The following SAMD5 variants were observed in gnomAD, a reference collection of about 807,000 sequenced individuals.
The protein encoded by SAMD5 is sterile alpha motif domain containing 5.
Under a neutral mutation model 11.3 loss-of-function variants are expected in SAMD5, and 13 were observed. The ratio of observed to expected loss-of-function variants is 1.15; its 90% CI spans 0.75 to 1.83. SAMD5 has a LOEUF of 1.83. SAMD5 is among the 40% of genes most tolerant of loss of function. The pLI, the probability that SAMD5 is intolerant of heterozygous loss-of-function variation, is 0.00. For missense variants in SAMD5, 255 were observed against 239.1 expected, an observed-to-expected ratio of 1.07 and a Z score of -0.44; for synonymous variants, 129 against 111.3, an observed-to-expected ratio of 1.16 and a Z score of -1.00.
the SAMD5 span, among the ~76,000 whole-genome samples, chr6:147,863,461 T>C: frequency 6.6e-6 from 1 of 152,202 alleles, no homozygotes; most frequent in Non-Finnish European, 1.5e-5. Context: ...CCTCTCATTA[T>C]GATGTGAAGT....
intron 1 of SAMD5, among the ~76,000 whole-genome samples, chr6:147,672,131 C>T (rs943110369): frequency 2.0e-5 from 3 of 151,944 alleles, no homozygotes; most frequent in African/African-American, 7.2e-5. Flanking sequence ...AATATTATAG[C>T]ATGTGTACTT....
chr6:147,823,829 C>G, the SAMD5 span, among the ~76,000 whole-genome samples: 5 of 152,180 alleles, frequency 3.3e-5, no homozygotes, highest in African/African-American at 9.7e-5. Flanking sequence ...ACAACATTAA[C>G]TTACATTTAT....
At chr6:147,909,639 T>TTTCTTTCTTTCTTTCTTTCTTTC in the SAMD5 span, among the ~76,000 whole-genome samples, 9 of 138,862 alleles carry the variant, frequency 6.5e-5, no homozygotes, top group African/African-American at 2.8e-4. Flanking sequence ...TTTCTCTTTC[T>TTTCTTTCTTTCTTTCTTTCTTTC]TGTCTTTTGT....
chr6:147,777,091 G>A, the SAMD5 span, among the ~76,000 whole-genome samples: 1 of 152,080 alleles, frequency 6.6e-6, no homozygotes, highest in Non-Finnish European at 1.5e-5. Context: ...GGTGAGGTCA[G>A]AGAATAAAAG....
At chr6:147,887,999 T>C in the SAMD5 span, among the ~76,000 whole-genome samples, 19,072 of 152,208 alleles carry the variant, frequency 0.13, 1,392 homozygotes, top group African/African-American at 0.19. Flanking sequence ...CTATTTTATA[T>C]TGGATTGTTT....
the SAMD5 span, among the ~76,000 whole-genome samples, chr6:147,773,672 C>T: frequency 7.8e-4 from 119 of 152,266 alleles, no homozygotes; most frequent in Non-Finnish European, 9.1e-4. Context: ...GCACTAATCC[C>T]ATTTAGGAAA....
At chr6:147,861,458 G>A in the SAMD5 span, among the ~76,000 whole-genome samples, 1 of 152,008 alleles carries the variant, frequency 6.6e-6, no homozygotes. Flanking sequence ...GAGCCACCAC[G>A]CCCAACCCAC....
chr6:147,565,544 C>A lies in SAMD5; in HGVS notation c.*1088C>A. On this transcript the variant is annotated 3_prime_UTR_variant, in exon 2 of 2. Transcript: ENST00000367474. ...CACAATCTTGGCTCACAGTGACTTT[C>A]GCCTCCCAGGTTCAAGGAATTCTCC... 1.5e-6 allele frequency: 1 copy of A among 660,536 alleles called. No homozygotes were observed. The highest frequency in any genetic ancestry group is 1.9e-6 in the Non-Finnish European group (1 of 535,134). 40.9% of individuals were successfully genotyped at this position (660,536 alleles called of 1,614,324 possible). A position where few individuals can be genotyped will look rare whatever the true frequency, so the allele number is the denominator to read the frequency against.
the SAMD5 span, among the ~76,000 whole-genome samples, chr6:147,768,161 T>A: frequency 3.9e-5 from 6 of 152,288 alleles, no homozygotes; most frequent in East Asian, 1.2e-3. Context: ...CAGCTAGGTG[T>A]ACCAATCTTC....
chr6:147,782,306 A>G, the SAMD5 span, among the ~76,000 whole-genome samples: 43 of 152,338 alleles, frequency 2.8e-4, 1 homozygote, highest in African/African-American at 1.0e-3. Context: ...ACAGTATTTC[A>G]TGCTTAAAAG....
intron 1 of SAMD5, among the ~76,000 whole-genome samples, chr6:147,694,008 C>T (rs907258308): frequency 1.3e-5 from 2 of 152,076 alleles, no homozygotes; most frequent in African/African-American, 2.4e-5. Flanking sequence ...AGGAGTGTCA[C>T]GTGGAGCAGT....
At chr6:147,949,809 T>C in the SAMD5 span, among the ~76,000 whole-genome samples, 6 of 152,250 alleles carry the variant, frequency 3.9e-5, no homozygotes, top group Admixed American at 2.6e-4. Flanking sequence ...ATACTATACT[T>C]CCTCAACATT....
At chr6:147,948,246 G>A in the SAMD5 span, among the ~76,000 whole-genome samples, 1 of 149,234 alleles carries the variant, frequency 6.7e-6, no homozygotes, top group African/African-American at 2.5e-5. Flanking sequence ...TTACCAAGGA[G>A]CTATCCAGGA....
the SAMD5 span, among the ~76,000 whole-genome samples, chr6:147,763,056 C>T: frequency 6.6e-6 from 1 of 150,618 alleles, no homozygotes; most frequent in Admixed American, 6.6e-5. Context: ...CATACCAATG[C>T]CCCATTCCAA....
chr6:147,635,226 T>TCAC (rs67874878), intron 1 of SAMD5, among the ~76,000 whole-genome samples: 2 of 151,480 alleles, frequency 1.3e-5, no homozygotes, highest in Non-Finnish European at 2.9e-5. Context: ...ATCACTGTTG[T>TCAC]CACCACCACC....
At chr6:147,636,228 A>G (rs1475399917) in intron 1 of SAMD5, among the ~76,000 whole-genome samples, 1 of 152,180 alleles carries the variant, frequency 6.6e-6, no homozygotes, top group Non-Finnish European at 1.5e-5. Context: ...TGAGGAGAGG[A>G]TATTATGACA....
chr6:147,652,615 GCTC>G (rs1790501594), intron 1 of SAMD5, among the ~76,000 whole-genome samples: 1 of 152,126 alleles, frequency 6.6e-6, no homozygotes, highest in Non-Finnish European at 1.5e-5. Flanking sequence ...GCCTTCTGGG[GCTC>G]CTCATCTCGG....
downstream of SAMD5, chr6:147,741,289 CAT>C (rs1791876351): frequency 6.6e-6 from 1 of 152,164 alleles, no homozygotes; most frequent in Non-Finnish European, 1.5e-5. Flanking sequence ...AAGCCGTTGA[CAT>C]ACAATGACCC....
chr6:147,556,097 ATT>A (rs547495261), intron 1 of SAMD5, among the ~76,000 whole-genome samples: 1 of 146,550 alleles, frequency 6.8e-6, no homozygotes, highest in Non-Finnish European at 1.5e-5. Context: ...TGTTATTATT[ATT>A]TTTTTTTTTT....
Sources: allele counts gnomAD v4.1 joint callset (sites outside exome capture counted in the v4.1 genomes callset), GRCh38; gene constraint gnomAD v4.1.1; transcripts MANE v1.5; gene names NCBI Gene and HGNC (gene_info 2026-07-23, HGNC 2026-07-21).